The following HOXC4 variants were observed in gnomAD, a reference collection of about 807,000 sequenced individuals.
HOXC4 encodes the protein homeobox protein Hox-C4.
A neutral mutation model predicts 25.5 loss-of-function variants in HOXC4; 15 were observed. The observed-to-expected ratio is 0.59, with a 90% CI of 0.39 to 0.91. The LOEUF (loss-of-function observed/expected upper bound fraction) is 0.91. HOXC4 is among the 40% of genes least tolerant of loss of function. The probability of loss-of-function intolerance (pLI) is 0.00; values close to 1 mark genes in which losing one functional copy is unlikely to be tolerated. For missense variants in HOXC4, 342 were observed against 352.4 expected (o/e 0.97, Z 0.24); for synonymous variants, 165 against 148.0 (o/e 1.11, Z -0.83).
chr12:54,026,151 C>A (rs1241427537), intron 1 of HOXC4, among the ~76,000 whole-genome samples: 3 of 152,252 alleles, frequency 2.0e-5, no homozygotes, highest in Non-Finnish European at 4.4e-5. Flanking sequence ...CTCTCTCTTC[C>A]GGCCTCTTCT....
chr12:54,025,939 C>T (rs1386506652), intron 1 of HOXC4, among the ~76,000 whole-genome samples: 2 of 152,134 alleles, frequency 1.3e-5, no homozygotes, highest in Non-Finnish European at 2.9e-5. Context: ...AGGTCCTTCC[C>T]TCCCCCACCC....
chr12:54,030,053 C>T (rs1940924079), intron 1 of HOXC4: 1 of 1,251,800 alleles, frequency 8.0e-7, no homozygotes, highest in Non-Finnish European at 1.1e-6. Context: ...ATCACTGGCA[C>T]AATTGATGTG....
chr12:54,016,903 C>T (rs1288018895), upstream of HOXC4: 1 of 152,244 alleles, frequency 6.6e-6, no homozygotes, highest in African/African-American at 2.4e-5. Context: ...ACAGTCCTCC[C>T]TGTAAGAGCC....
chr12:54,034,723 T>G, intron 1 of HOXC4: 2 of 521,684 alleles, frequency 3.8e-6, no homozygotes, highest in Non-Finnish European at 6.9e-6. Flanking sequence ...CTCAGCTCGG[T>G]ACCCGGGGCC....
chr12:54,028,942 A>G (rs766272049), intron 1 of HOXC4: 1 of 1,584,872 alleles, frequency 6.3e-7, no homozygotes, highest in South Asian at 1.1e-5. Flanking sequence ...CAGCTCCGAG[A>G]TATAAATTAA....
At position 54,055,289 on chromosome 12, in the gene HOXC4, T is replaced by C; in HGVS notation, c.*84T>C. The C allele has an allele frequency of 4.9e-6, 1 of 205,446 alleles. No homozygotes were observed. The highest frequency in any genetic ancestry group is 8.8e-6 in the Non-Finnish European group (1 of 114,204). 12.7% of individuals were successfully genotyped at this position (205,446 alleles called of 1,614,324 possible). On this transcript the variant is annotated 3_prime_UTR_variant, in exon 2 of 2. Coordinates refer to ENST00000430889, the MANE Select transcript of HOXC4 (RefSeq NM_153633.3). ...TGACTCTTATTTATAGAATTTAATATATATATATATATATATATATATAGG... is the reference window on the plus strand; with the variant it reads ...TGACTCTTATTTATAGAATTTAATACATATATATATATATATATATATAGG...
intron 1 of HOXC4, chr12:54,034,218 A>G: frequency 1.4e-6 from 2 of 1,474,102 alleles, no homozygotes; most frequent in Non-Finnish European, 1.9e-6. Flanking sequence ...TGGGGTGGGG[A>G]CGGGGGAACG....
At chr12:54,050,126 G>T (rs936278451), upstream of HOXC4, among the ~76,000 whole-genome samples, 3 of 152,112 alleles carry the variant, frequency 2.0e-5, no homozygotes, top group South Asian at 2.1e-4. Flanking sequence ...ATGCAGCAGA[G>T]AATCTATGGA....
At chr12:54,028,570 G>A in intron 1 of HOXC4, 1 of 1,614,066 alleles carries the variant, frequency 6.2e-7, no homozygotes, top group South Asian at 1.1e-5. Flanking sequence ...CCTCGCCGGG[G>A]GCCAGGACGT....
intron 1 of HOXC4, chr12:54,033,904 C>A: frequency 2.6e-6 from 1 of 381,498 alleles, no homozygotes; most frequent in Non-Finnish European, 5.1e-6. Context: ...CCCTCCCCTG[C>A]GGAGCCGGCT....
chr12:54,043,356 G>A (rs946495293), intron 1 of HOXC4, among the ~76,000 whole-genome samples: 1 of 152,216 alleles, frequency 6.6e-6, no homozygotes, highest in African/African-American at 2.4e-5. Flanking sequence ...GTCTCAGAGA[G>A]GCAGTTCAGG....
At chr12:54,034,001 A>C in intron 1 of HOXC4, 1 of 623,396 alleles carries the variant, frequency 1.6e-6, no homozygotes, top group East Asian at 3.4e-5. Flanking sequence ...GAGGGTGCTT[A>C]TTGTTCGGTC....
Position 54,027,480 on chromosome 12 carries a change from C to T in HOXC4, c.-124+10066C>T, listed in dbSNP as rs566479261. Among the ~76,000 whole-genome samples the T allele has an allele frequency of 3.9e-5, 6 of 152,350 alleles. No individual in the cohort carries two copies. The East Asian group carries it at 9.6e-4, about 24-fold the overall frequency. ...ATGTGAATTACCCCACAGGCCCTCACTGGCTCCAAATAATAAATTCTCACC... is the reference window on the plus strand; with the variant it reads ...ATGTGAATTACCCCACAGGCCCTCATTGGCTCCAAATAATAAATTCTCACC... On this transcript the variant is annotated intron_variant, in intron 1 of 3. Transcript: ENST00000303406.
intron 1 of HOXC4, among the ~76,000 whole-genome samples, chr12:54,026,681 G>A (rs772301288): frequency 9.2e-5 from 14 of 152,114 alleles, no homozygotes; most frequent in Non-Finnish European, 1.6e-4. Flanking sequence ...ACCCCCTAAC[G>A]AGGTTCATGT....
intron 1 of HOXC4, among the ~76,000 whole-genome samples, chr12:54,017,743 A>G (rs574424171): frequency 2.0e-5 from 3 of 152,132 alleles, no homozygotes; most frequent in Non-Finnish European, 4.4e-5. Context: ...CCTGCTTATT[A>G]TAGATCTTCG....
chr12:54,029,884 C>T, intron 1 of HOXC4: 1 of 1,610,382 alleles, frequency 6.2e-7, no homozygotes, highest in Non-Finnish European at 8.5e-7. Context: ...CGGGGGGCGG[C>T]GGAGGGGCCA....
At chr12:54,043,529 C>T (rs1174185132) in intron 1 of HOXC4, among the ~76,000 whole-genome samples, 3 of 152,196 alleles carry the variant, frequency 2.0e-5, no homozygotes, top group Non-Finnish European at 4.4e-5. Flanking sequence ...CTTCCCACTC[C>T]TCCCTCCCAC....
At chr12:54,044,856 C>T (rs375424399) in intron 1 of HOXC4, among the ~76,000 whole-genome samples, 1 of 152,168 alleles carries the variant, frequency 6.6e-6, no homozygotes, top group Non-Finnish European at 1.5e-5. Context: ...CCCCCACCCC[C>T]TGGCTGGCAA....
chr12:54,030,017 C>G (rs1006773536), intron 1 of HOXC4: 1 of 1,402,866 alleles, frequency 7.1e-7, no homozygotes, highest in South Asian at 1.5e-5. Context: ...CCCACCAACT[C>G]TCCCCTAATC....
Sources: gnomAD v4.1 joint callset for allele counts (sites outside exome capture counted in the v4.1 genomes callset) on GRCh38, gnomAD v4.1.1 for gene constraint, MANE v1.5 for transcripts, NCBI Gene and HGNC (gene_info 2026-07-23, HGNC 2026-07-21) for gene names.